PCP4L1: variants seen among roughly 807,000 people sequenced by gnomAD.
PCP4L1 encodes the protein Purkinje cell protein 4-like protein 1.
Under a neutral mutation model 9.6 loss-of-function variants are expected in PCP4L1, and 9 were observed. The ratio of observed to expected loss-of-function variants is 0.94; its 90% confidence interval spans 0.57 to 1.64. PCP4L1 has a LOEUF of 1.64. Ranked by LOEUF, PCP4L1 falls within the 40% of genes most tolerant of loss-of-function variation. The pLI is 0.00. For synonymous variants in PCP4L1, 31 were observed against 28.2 expected (o/e 1.10, Z -0.31); for missense variants, 81 against 80.8 (o/e 1.00, Z -0.01).
rs1571805956 is a variant in PCP4L1 at position 161,284,673 on chromosome 1, T to C, written c.*192T>C. The C allele has an allele frequency of 9.7e-6, 7 of 719,044 alleles. No individual in the cohort carries two copies. In the East Asian group the frequency reaches 1.4e-4, roughly 14 times the overall value. 44.5% of individuals were successfully genotyped at this position (719,044 alleles called of 1,614,324 possible). On this transcript the variant is annotated 3_prime_UTR_variant, in exon 3 of 3. Transcript: ENST00000504449. ...CAAGAGAGGTGGAGAAGATGAAGAC[T>C]TCAATCAGCAGTCACTAGTCTAAGG...
At position 161,284,846 on chromosome 1, in the gene PCP4L1, G is replaced by A; in HGVS notation, c.*365G>A. The A allele has an allele frequency of 3.9e-6, 1 of 254,582 alleles. No individual in the cohort carries two copies. The highest frequency in any genetic ancestry group is 7.6e-6 in the Non-Finnish European group (1 of 131,824). 15.8% of individuals were successfully genotyped at this position (254,582 alleles called of 1,614,324 possible). A position where few individuals can be genotyped will look rare whatever the true frequency, so the allele number is the denominator to read the frequency against. Reference sequence around the variant, plus strand: ...GGCTTTCAGAGTAGGGTGCCTGAGGGTGGGACATATGCACTGTTCTGCTAG... The same window carrying A: ...GGCTTTCAGAGTAGGGTGCCTGAGGATGGGACATATGCACTGTTCTGCTAG... On this transcript the variant is annotated 3_prime_UTR_variant, in exon 3 of 3. Transcript: ENST00000504449.
At chr1:161,265,999 C>A (rs1182074738) in intron 1 of PCP4L1, among the ~76,000 whole-genome samples, 1 of 151,980 alleles carries the variant, frequency 6.6e-6, no homozygotes, top group South Asian at 2.1e-4. Context: ...CTCGGCCTCC[C>A]AAAGTGCTGG....
intron 1 of PCP4L1, among the ~76,000 whole-genome samples, chr1:161,281,821 G>C (rs190162599): frequency 6.2e-5 from 1 of 16,052 alleles, no homozygotes; most frequent in Non-Finnish European, 9.2e-5. Flanking sequence ...CTCACATCCC[G>C]GACGGGGCGG....
chr1:161,275,597 A>G (rs1669686423), intron 1 of PCP4L1, among the ~76,000 whole-genome samples: 2 of 151,342 alleles, frequency 1.3e-5, no homozygotes, highest in Admixed American at 6.6e-5. Context: ...GATCTGATGG[A>G]TTAAGGGAAT....
At chr1:161,259,662 A>G (rs988031837) in intron 1 of PCP4L1, among the ~76,000 whole-genome samples, 9 of 152,190 alleles carry the variant, frequency 5.9e-5, no homozygotes, top group African/African-American at 2.2e-4. Context: ...GTTTTCAAAG[A>G]ACACTGTTCA....
intron 1 of PCP4L1, among the ~76,000 whole-genome samples, chr1:161,266,211 G>A (rs567160717): frequency 2.6e-5 from 4 of 152,120 alleles, no homozygotes; most frequent in Admixed American, 6.5e-5. Context: ...TACATTTATC[G>A]TTCTGTTGTC....
At chr1:161,275,313 A>G (rs959457875) in intron 1 of PCP4L1, among the ~76,000 whole-genome samples, 3 of 151,708 alleles carry the variant, frequency 2.0e-5, no homozygotes, top group African/African-American at 7.3e-5. Flanking sequence ...TCAGGAGATC[A>G]AGACCATCCT....
At chr1:161,273,445 AC>A (rs1482114777) in intron 1 of PCP4L1, among the ~76,000 whole-genome samples, 10 of 151,294 alleles carry the variant, frequency 6.6e-5, no homozygotes, top group African/African-American at 2.4e-4. Context: ...AACAAACAAA[AC>A]CCCCAAAGTC....
chr1:161,272,797 C>G (rs527747794), intron 1 of PCP4L1, among the ~76,000 whole-genome samples: 2 of 151,856 alleles, frequency 1.3e-5, no homozygotes, highest in Non-Finnish European at 2.9e-5. Context: ...AACTGATTGT[C>G]AAGATTCCTG....
At position 161,258,959 on chromosome 1, in the gene PCP4L1, C is replaced by G. The variant is rs1252449046; in HGVS notation, c.-16C>G. ...CTGTGCGTGCAGCGCCTCGCGCGCC[C>G]TGTCCGGCTGCGGAGATGAGCGAGG... On this transcript the variant is annotated 5_prime_UTR_variant, in exon 1 of 3. Coordinates refer to ENST00000504449, the MANE Select transcript of PCP4L1 (RefSeq NM_001102566.2). 1 of 1,534,450 alleles carries G rather than the reference C, an allele frequency of 6.5e-7. No individual in the cohort carries two copies. Among genetic ancestry groups the G allele is most frequent in the Non-Finnish European group, 8.7e-7 (1 of 1,145,964 alleles).
At chr1:161,272,124 G>C (rs999244132) in intron 1 of PCP4L1, among the ~76,000 whole-genome samples, 1 of 151,848 alleles carries the variant, frequency 6.6e-6, no homozygotes, top group Non-Finnish European at 1.5e-5. Context: ...CATATTCATG[G>C]GGGTACATAG....
At chr1:161,274,783 T>C (rs4657003) in intron 1 of PCP4L1, among the ~76,000 whole-genome samples, 56,906 of 151,346 alleles carry the variant, frequency 0.38, 11,073 homozygotes, top group East Asian at 0.64. Context: ...TCCAGAAGAG[T>C]GTCCAGAGTG....
intron 1 of PCP4L1, among the ~76,000 whole-genome samples, chr1:161,278,433 TTTTC>T (rs1669738683): frequency 6.6e-6 from 1 of 152,078 alleles, no homozygotes; most frequent in Non-Finnish European, 1.5e-5. Context: ...CTTTTTTTTC[TTTTC>T]TTTTCTTTTT....
At chr1:161,259,407 A>T (rs1037686651) in intron 1 of PCP4L1, among the ~76,000 whole-genome samples, 1 of 151,710 alleles carries the variant, frequency 6.6e-6, no homozygotes, top group African/African-American at 2.4e-5. Flanking sequence ...TCTAACAAGA[A>T]CTCCATCCCT....
intron 1 of PCP4L1, among the ~76,000 whole-genome samples, chr1:161,264,883 G>A (rs538555419): frequency 3.4e-4 from 52 of 152,268 alleles, no homozygotes; most frequent in African/African-American, 1.2e-3. Context: ...CTGAGCAAGA[G>A]GATAGAGACA....
chr1:161,259,009 T>C lies in PCP4L1; in HGVS notation c.9+26T>C, dbSNP rs1354066029. On this transcript the variant is annotated intron_variant, in intron 1 of 2. Coordinates refer to ENST00000504449, the MANE Select transcript of PCP4L1 (RefSeq NM_001102566.2). ...GTGAGCGGTGCGGCCCCCGGCGCTGTCGGCAGGGCTGCGGCGGGGAGGGTG... is the reference window on the plus strand; with the variant it reads ...GTGAGCGGTGCGGCCCCCGGCGCTGCCGGCAGGGCTGCGGCGGGGAGGGTG... The C allele has an allele frequency of 5.2e-6, 8 of 1,529,802 alleles. No individual in the cohort carries two copies. The East Asian group carries it at 2.0e-4, about 38-fold the overall frequency. 94.8% of individuals were successfully genotyped at this position (1,529,802 alleles called of 1,614,324 possible). A position where few individuals can be genotyped will look rare whatever the true frequency, so the allele number is the denominator to read the frequency against.
At position 161,274,949 on chromosome 1, in the gene PCP4L1, G is replaced by C. The variant is rs143705135; in HGVS notation, c.10-8719G>C. On this transcript the variant is annotated intron_variant, in intron 1 of 2. Transcript: ENST00000504449. ...GCATCCTTTGCTGGTTTCCCAAGTG[G>C]AGACCCCACTTTTAGATTATTATCT... Among the ~76,000 whole-genome samples, 186 of 152,216 alleles carry C rather than the reference G, an allele frequency of 1.2e-3. 1 individual carries two copies. Among genetic ancestry groups the C allele is most frequent in the Non-Finnish European group, 1.4e-3 (98 of 68,022 alleles).
chr1:161,268,458 A>G (rs1669570228), intron 1 of PCP4L1, among the ~76,000 whole-genome samples: 1 of 151,546 alleles, frequency 6.6e-6, no homozygotes, highest in Non-Finnish European at 1.5e-5. Context: ...CTATTCTTAT[A>G]TTCAACCCCA....
chr1:161,271,893 C>A (rs1669629879), intron 1 of PCP4L1, among the ~76,000 whole-genome samples: 1 of 151,788 alleles, frequency 6.6e-6, no homozygotes, highest in African/African-American at 2.4e-5. Context: ...CAGCCTTGAT[C>A]TCTGGGTTCT....
Sources: gnomAD v4.1 joint callset for allele counts (sites outside exome capture counted in the v4.1 genomes callset) on GRCh38, gnomAD v4.1.1 for gene constraint, MANE v1.5 for transcripts, NCBI Gene and HGNC (gene_info 2026-07-23, HGNC 2026-07-21) for gene names.